The following VSIG4 variants were observed in gnomAD, a reference collection of about 807,000 sequenced individuals.
VSIG4 encodes the protein V-set and immunoglobulin domain containing 4.
In VSIG4, 34 loss-of-function variants were observed where a neutral mutation model predicts 23.4. That is an observed-to-expected ratio of 1.45 (90% confidence interval 1.10 to 1.93). The LOEUF (loss-of-function observed/expected upper bound fraction) is 1.93. Among genes scored for constraint, VSIG4 ranks in the 30% most tolerant of loss-of-function variants. VSIG4 has a pLI of 0.00. For synonymous variants in VSIG4, 169 were observed against 120.3 expected, an observed-to-expected ratio of 1.41 and a Z score of -2.65; for missense variants, 433 against 310.8, an observed-to-expected ratio of 1.39 and a Z score of -2.96.
intron 2 of VSIG4, 53 bp downstream of exon 2, chrX:66,033,421 T>A: frequency 9.4e-7 from 1 of 1,060,463 alleles, no homozygotes; most frequent in East Asian, 3.0e-5. Flanking sequence ...TAGAATTACA[T>A]CCACTATTGA....
In VSIG4 at chrX:66,022,343, T is replaced by G; in HGVS notation, c.1120A>C (p.Asn374His). The G allele has an allele frequency of 8.2e-7, 1 of 1,212,205 alleles. No individual in the cohort carries two copies. The highest frequency in any genetic ancestry group is 1.8e-5 in the South Asian group (1 of 57,040). The change falls in exon 8 of 8, where the codon AAT becomes CAT. Residue 374 changes from asparagine (N) to histidine (H), a missense_variant. Physicochemically the swap from Asn to His is moderately conservative, Grantham distance 68 (BLOSUM62 1). Coordinates refer to ENST00000374737, the MANE Select transcript of VSIG4 (RefSeq NM_007268.3). ...GQEYQIIAQINGNYARLLDTV... is the reference protein window; with the variant it reads ...GQEYQIIAQIHGNYARLLDTV... Reference sequence around the variant, plus strand: ...TCCAGCAGGCGGGCGTAGTTGCCATTGATCTGGGCGATGATCTGGTACTCC... The same window carrying G: ...TCCAGCAGGCGGGCGTAGTTGCCATGGATCTGGGCGATGATCTGGTACTCC...
chrX:66,036,795 A>AATATAAT (rs2085560779), intron 1 of VSIG4, among the ~76,000 whole-genome samples: 1 of 41,034 alleles, frequency 2.4e-5, no homozygotes, highest in African/African-American at 1.2e-4. Context: ...TATATAATAT[A>AATATAAT]ATATATTATA....
chrX:66,022,705 G>A, intron 7 of VSIG4, 136 bp downstream of exon 7: 3 of 1,155,994 alleles, frequency 2.6e-6, no homozygotes, highest in South Asian at 4.1e-5. Flanking sequence ...AGGGAAGGCA[G>A]CTATGTCCTG....
At chrX:66,038,941 C>T (rs781673774) in intron 1 of VSIG4, among the ~76,000 whole-genome samples, 2 of 111,166 alleles carry the variant, frequency 1.8e-5, no homozygotes, top group South Asian at 3.8e-4. Flanking sequence ...AGCAAAATCC[C>T]CCTTTACCCT....
chrX:66,039,868 A>G (rs2085663411), intron 1 of VSIG4, 76 bp downstream of exon 1: 12 of 1,135,031 alleles, frequency 1.1e-5, no homozygotes, highest in African/African-American at 1.8e-5. Flanking sequence ...GGCTTTCCAT[A>G]GTAGACATTA....
At chrX:66,033,413 GA>G in intron 2 of VSIG4, 60 bp downstream of exon 2, 1 of 1,048,867 alleles carries the variant, frequency 9.5e-7, no homozygotes, top group Non-Finnish European at 1.3e-6. Context: ...GGCTTTTCTA[GA>G]ATTACATCCA....
chrX:66,036,996 A>T (rs1435985059), intron 1 of VSIG4, among the ~76,000 whole-genome samples: 3 of 31,407 alleles, frequency 9.6e-5, no homozygotes, highest in African/African-American at 2.2e-4. Context: ...ATATAATATA[A>T]TATATCATAT....
chrX:66,027,099 C>T (rs1476235964), intron 5 of VSIG4, among the ~76,000 whole-genome samples: 2 of 111,825 alleles, frequency 1.8e-5, no homozygotes, highest in African/African-American at 6.5e-5. Context: ...CAAGCAATGA[C>T]ACTCAGCCAT....
chrX:66,030,752 A>G (rs1183497302), intron 3 of VSIG4, among the ~76,000 whole-genome samples: 2 of 111,864 alleles, frequency 1.8e-5, no homozygotes, highest in Non-Finnish European at 3.8e-5. Flanking sequence ...AGATAAGCAA[A>G]TAGACACACG....
intron 1 of VSIG4, among the ~76,000 whole-genome samples, chrX:66,038,167 T>C (rs1251455966): frequency 9.0e-6 from 1 of 111,660 alleles, no homozygotes; most frequent in Non-Finnish European, 1.9e-5. Context: ...TCTTGACATA[T>C]CTCTTAGCCC....
Position 66,033,703 on chromosome X carries a change from G to A in VSIG4, c.183C>T (p.Gly61=), listed in dbSNP as rs775534756. Residue 61 remains glycine, a synonymous_variant, in exon 2 of 8, where the codon GGC becomes GGT. Transcript: ENST00000374737. ...GTAGAAAGATGGTGACAGGGTCTGAGCCACGTTGTACCAGCCACTTCACCA... is the reference window on the plus strand; with the variant it reads ...GTAGAAAGATGGTGACAGGGTCTGAACCACGTTGTACCAGCCACTTCACCA... ...QVLVKWLVQR[G]SDPVTIFLRD... The A allele has an allele frequency of 7.4e-6, 9 of 1,211,587 alleles. No homozygotes were observed. Among genetic ancestry groups the A allele is most frequent in the Non-Finnish European group, 7.8e-6 (7 of 895,441 alleles).
chrX:66,029,436 A>T (rs2085439108), intron 3 of VSIG4, among the ~76,000 whole-genome samples: 1 of 111,160 alleles, frequency 9.0e-6, no homozygotes, highest in African/African-American at 3.3e-5. Flanking sequence ...TGTGCCAGAT[A>T]CTTTGCTGGG....
intron 1 of VSIG4, among the ~76,000 whole-genome samples, 154 bp downstream of exon 1, chrX:66,039,790 C>G (rs2085662312): frequency 8.9e-6 from 1 of 112,609 alleles, no homozygotes; most frequent in South Asian, 3.7e-4. Context: ...CTACATCCAT[C>G]CGTTTTGCTC....
chrX:66,025,163 T>C (rs1429921501), intron 5 of VSIG4, 34 bp from the exon 6 acceptor site: 21 of 1,044,986 alleles, frequency 2.0e-5, no homozygotes, highest in Admixed American at 2.0e-4. Flanking sequence ...TGGTATTTGA[T>C]TGAAAATAAG....
rs2085665563 is a variant in VSIG4 at position 66,039,984 on chromosome X, C to A, written c.15G>T (p.Leu5=). 1 of 1,211,884 alleles carries A rather than the reference C, an allele frequency of 8.3e-7. No homozygotes were observed. Among genetic ancestry groups the A allele is most frequent in the Non-Finnish European group, 1.1e-6 (1 of 895,403 alleles). Residue 5 remains leucine, a synonymous_variant, in exon 1 of 8, where the codon CTG becomes CTT. Coordinates refer to ENST00000374737, the MANE Select transcript of VSIG4 (RefSeq NM_007268.3). MGIL[L]GLLLLGHLTV... ...TTAGGTGCCCCAGGAGTAGCAGGCC[C>A]AGTAAGATCCCCATCACAGCCAGAG...
At position 66,022,404 on chromosome X, in the gene VSIG4, C is replaced by T; in HGVS notation, c.1059G>A (p.Leu353=). The part of the protein sequence containing the change: ...CSSDEPTSQN[L]GNNYSDEPCI... ...AGGGCTCATCAGAGTAGTTGTTGCCCAGATTCTGGGAAGTTGGCTCATCAC... is the reference window on the plus strand; with the variant it reads ...AGGGCTCATCAGAGTAGTTGTTGCCTAGATTCTGGGAAGTTGGCTCATCAC... The change falls in exon 8 of 8, where the codon CTG becomes CTA. Residue 353 remains leucine (L), a synonymous_variant. Transcript: ENST00000374737. 8.3e-7 allele frequency: 1 copy of T among 1,211,979 alleles called. No individual in the cohort carries two copies. Among genetic ancestry groups the T allele is most frequent in the Non-Finnish European group, 1.1e-6 (1 of 895,573 alleles).
chrX:66,037,344 A>T (rs867077636), intron 1 of VSIG4, among the ~76,000 whole-genome samples: 6 of 6,229 alleles, frequency 9.6e-4, no homozygotes, highest in African/African-American at 0.012. Context: ...ATATAATATA[A>T]TATATAATAT....
chrX:66,034,857 T>A (rs1420477139), intron 1 of VSIG4, among the ~76,000 whole-genome samples: 1 of 110,325 alleles, frequency 9.1e-6, no homozygotes, highest in African/African-American at 3.3e-5. Flanking sequence ...TTTAGAAGAT[T>A]TTTTGTTTTA....
intron 6 of VSIG4, among the ~76,000 whole-genome samples, chrX:66,023,818 C>T (rs1602095367): frequency 1.8e-5 from 2 of 112,158 alleles, no homozygotes; most frequent in Non-Finnish European, 3.8e-5. Flanking sequence ...TACATTTTGA[C>T]CTTTATCCCC....
Sources: gnomAD v4.1 joint callset for allele counts (sites outside exome capture counted in the v4.1 genomes callset) on GRCh38, gnomAD v4.1.1 for gene constraint, MANE v1.5 for transcripts, NCBI Gene and HGNC (gene_info 2026-07-23, HGNC 2026-07-21) for gene names.